The following SOX5 variants were observed in gnomAD, a reference collection of about 807,000 sequenced individuals.
SOX5 encodes transcription factor SOX-5.
Under a neutral mutation model 92.0 loss-of-function variants are expected in SOX5, and 9 were observed. The observed-to-expected ratio is 0.10, with a 90% CI of 0.06 to 0.17. The LOEUF (loss-of-function observed/expected upper bound fraction) is 0.17. Among genes scored for constraint, SOX5 ranks in the 10% least tolerant of loss-of-function variants. The probability of loss-of-function intolerance (pLI) is 1.00; values close to 1 mark genes in which losing one functional copy is unlikely to be tolerated. For missense variants in SOX5, 642 were observed against 944.5 expected (o/e 0.68, Z 4.20); for synonymous variants, 344 against 336.3 (o/e 1.02, Z -0.25).
intron 3 of SOX5, among the ~76,000 whole-genome samples, chr12:23,821,452 C>A (rs2096114945): frequency 6.6e-6 from 1 of 152,294 alleles, no homozygotes; most frequent in East Asian, 1.9e-4. Flanking sequence ...CCAACACTTC[C>A]AACACTATGT....
intron 13 of SOX5, among the ~76,000 whole-genome samples, chr12:23,537,616 GT>G (rs766580980): frequency 6.6e-6 from 1 of 152,114 alleles, no homozygotes; most frequent in Non-Finnish European, 1.5e-5. Context: ...AACCCAAATT[GT>G]TTTCCCCCTT....
intron 4 of SOX5, among the ~76,000 whole-genome samples, chr12:24,075,647 C>G (rs1319540145): frequency 6.6e-6 from 1 of 151,908 alleles, no homozygotes; most frequent in Non-Finnish European, 1.5e-5. Context: ...ATGTTTGAAC[C>G]ATTTTTTTTT....
intron 3 of SOX5, among the ~76,000 whole-genome samples, chr12:24,259,199 CAAGA>C (rs1353181511): frequency 6.6e-6 from 1 of 151,886 alleles, no homozygotes; most frequent in Non-Finnish European, 1.5e-5. Context: ...TTGGGGAGCA[CAAGA>C]AAGAGACAGA....
chr12:24,505,803 C>T (rs2138205184), intron 1 of SOX5, among the ~76,000 whole-genome samples: 1 of 150,148 alleles, frequency 6.7e-6, no homozygotes, highest in East Asian at 1.9e-4. Context: ...TTTACCACTC[C>T]CACGCCTGGA....
intron 3 of SOX5, among the ~76,000 whole-genome samples, chr12:24,214,502 A>G (rs1444437937): frequency 6.6e-6 from 1 of 152,010 alleles, no homozygotes; most frequent in Non-Finnish European, 1.5e-5. Flanking sequence ...TTCATCAGCT[A>G]TTGTCTGCTT....
At chr12:24,322,084 T>G (rs2140910049) in intron 2 of SOX5, among the ~76,000 whole-genome samples, 1 of 152,314 alleles carries the variant, frequency 6.6e-6, no homozygotes, top group South Asian at 2.1e-4. Context: ...TATGTCTGTT[T>G]GATTCCCATC....
Position 24,228,442 on chromosome 12 carries a change from G to T in SOX5, c.-76-15025C>A, listed in dbSNP as rs538139175. Among the ~76,000 whole-genome samples the T allele has an allele frequency of 2.0e-5, 3 of 152,178 alleles. No homozygotes were observed. The South Asian group carries it at 6.2e-4, about 32-fold the overall frequency. On this transcript the variant is annotated intron_variant, in intron 3 of 4. Transcript: ENST00000446891. ...CACTATTTTTTGGCCTTATTTTTGT[G>T]ACAACATTTTTGTCCATATGGCATG...
At chr12:24,525,458 G>C (rs1238094014) in intron 1 of SOX5, among the ~76,000 whole-genome samples, 1 of 152,194 alleles carries the variant, frequency 6.6e-6, no homozygotes, top group African/African-American at 2.4e-5. Context: ...ACTTGCTGCA[G>C]AATGTCTTAC....
At position 23,948,322 on chromosome 12, in the gene SOX5, T is replaced by C. The variant is rs766734957; in HGVS notation, c.38+1242A>G. ...CCTGATTTGATACTGGCTTTTCTAA[T>C]ATGTGACCACATTCAAGCGTTACTT... On this transcript the variant is annotated intron_variant, in intron 1 of 14. Transcript: ENST00000451604. Among the ~76,000 whole-genome samples the C allele has an allele frequency of 4.6e-5, 7 of 152,090 alleles. 1 individual carries two copies. Among genetic ancestry groups the C allele is most frequent in the Non-Finnish European group, 1.0e-4 (7 of 67,966 alleles).
At chr12:23,979,707 G>GTTTTTT (rs1177945407) in intron 4 of SOX5, among the ~76,000 whole-genome samples, 5 of 77,472 alleles carry the variant, frequency 6.5e-5, no homozygotes, top group African/African-American at 2.2e-4. Context: ...TGTTTTTTTT[G>GTTTTTT]TTTTTTTTTT....
intron 1 of SOX5, among the ~76,000 whole-genome samples, chr12:24,534,927 T>C (rs1217463204): frequency 1.3e-5 from 2 of 152,194 alleles, no homozygotes; most frequent in Non-Finnish European, 2.9e-5. Context: ...TCAGAAAACA[T>C]GCAAGAGCAA....
chr12:23,597,390 A>G (rs577415522), intron 9 of SOX5, among the ~76,000 whole-genome samples: 2 of 152,274 alleles, frequency 1.3e-5, no homozygotes, highest in African/African-American at 4.8e-5. Context: ...CTAATGATCT[A>G]TTTGGACATT....
chr12:23,877,500 T>C (rs990329738), intron 2 of SOX5, among the ~76,000 whole-genome samples: 5 of 152,146 alleles, frequency 3.3e-5, no homozygotes, highest in African/African-American at 1.2e-4. Context: ...ACCTTATTAA[T>C]AAATAGCTTT....
intron 4 of SOX5, among the ~76,000 whole-genome samples, chr12:24,010,537 C>A (rs1033694241): frequency 6.6e-6 from 1 of 152,176 alleles, no homozygotes; most frequent in African/African-American, 2.4e-5. Context: ...GGAACACAAT[C>A]ATAATCCAGG....
rs533534208 is a variant in SOX5 at position 23,965,155 on chromosome 12, G to T, written c.-1-69131C>A. Among the ~76,000 whole-genome samples the T allele has an allele frequency of 2.0e-5, 3 of 152,322 alleles. No homozygotes were observed. The East Asian group carries it at 5.8e-4, about 29-fold the overall frequency. On this transcript the variant is annotated intron_variant, in intron 4 of 4. Transcript: ENST00000446891. The stretch of plus-strand genomic sequence containing the variant: ...GACACCATCTACCGTGGAACAGATG[G>T]ATTATCTCGATGGTGTCCCTGCCTG...
intron 1 of SOX5, among the ~76,000 whole-genome samples, chr12:24,386,607 T>G (rs1958443336): frequency 6.6e-6 from 1 of 152,178 alleles, no homozygotes; most frequent in South Asian, 2.1e-4. Flanking sequence ...TCTGTACTCC[T>G]GGGTACTTGT....
chr12:23,908,865 A>G (rs1195923518), intron 1 of SOX5, among the ~76,000 whole-genome samples: 1 of 152,054 alleles, frequency 6.6e-6, no homozygotes, highest in Non-Finnish European at 1.5e-5. Flanking sequence ...TAAATCCATA[A>G]GCTTTCCTAT....
At chr12:23,656,187 A>ATTTT (rs56680824) in intron 7 of SOX5, among the ~76,000 whole-genome samples, 2 of 148,884 alleles carry the variant, frequency 1.3e-5, no homozygotes, top group African/African-American at 4.9e-5. Flanking sequence ...GTTTCATTGT[A>ATTTT]TTTTTTTTTT....
chr12:24,014,245 C>T (rs1456632968), intron 4 of SOX5, among the ~76,000 whole-genome samples: 1 of 152,196 alleles, frequency 6.6e-6, no homozygotes, highest in Non-Finnish European at 1.5e-5. Flanking sequence ...ACATTCCTCT[C>T]TTAGCGCCTC....
Sources: allele counts gnomAD v4.1 joint callset (sites outside exome capture counted in the v4.1 genomes callset), GRCh38; gene constraint gnomAD v4.1.1; transcripts MANE v1.5; gene names NCBI Gene and HGNC (gene_info 2026-07-23, HGNC 2026-07-21).